PKD1L1: variants seen among roughly 807,000 people sequenced by gnomAD.
PKD1L1 encodes polycystin-1-like protein 1.
A neutral mutation model predicts 323.4 loss-of-function variants in PKD1L1; 236 were observed. That is an observed-to-expected ratio of 0.73 (90% confidence interval 0.66 to 0.81). PKD1L1 has a LOEUF of 0.81. PKD1L1 is among the 40% of genes least tolerant of loss of function. PKD1L1 has a pLI of 0.00. For missense variants in PKD1L1, 3,320 were observed against 3,508.0 expected (o/e 0.95, Z 1.35); for synonymous variants, 1,344 against 1,335.0 (o/e 1.01, Z -0.15).
At chr7:47,941,689 C>T (rs957025476) in intron 2 of PKD1L1, among the ~76,000 whole-genome samples, 1 of 152,146 alleles carries the variant, frequency 6.6e-6, no homozygotes, top group Admixed American at 6.5e-5. Flanking sequence ...GAACTGGACA[C>T]ATCCGAGAGG....
rs56742103 is a variant in PKD1L1, at chr7:47,880,167, T to TAGAG, written c.3520+557_3520+560dup. ...CAATAACACCTTTCTAGGGTTTAAATAGAGAGAGAGAGAGAGAGAGAGATT... is the reference window on the plus strand; with the variant it reads ...CAATAACACCTTTCTAGGGTTTAAATAGAGAGAGAGAGAGAGAGAGAGAGAGATT... On this transcript the variant is annotated intron_variant, in intron 21 of 56. Transcript: ENST00000289672. 8.3e-5 allele frequency among the ~76,000 whole-genome samples: 11 copies of TAGAG among 133,160 alleles called. 1 individual carries two copies. The South Asian group carries it at 9.7e-4, about 12-fold the overall frequency. The allele number at this position is 133,160 out of a possible 152,430, so 87.4% of individuals were successfully genotyped here. A position where few individuals can be genotyped will look rare whatever the true frequency, so the allele number is the denominator to read the frequency against.
chr7:47,893,816 C>A, intron 15 of PKD1L1, 62 bp downstream of exon 15: 15 of 1,520,866 alleles, frequency 9.9e-6, no homozygotes, highest in Non-Finnish European at 1.3e-5. Flanking sequence ...CGTTCCAGAG[C>A]CTGCATTTGC....
At chr7:47,848,233 C>T (rs1052776263) in intron 31 of PKD1L1, among the ~76,000 whole-genome samples, 3 of 152,056 alleles carry the variant, frequency 2.0e-5, no homozygotes, top group Non-Finnish European at 4.4e-5. Flanking sequence ...CTTGAAGATA[C>T]ACTCCTCCCC....
chr7:47,929,501 G>T lies in PKD1L1; in HGVS notation c.763C>A (p.Pro255Thr). The T allele has an allele frequency of 6.2e-7, 1 of 1,613,838 alleles. No homozygotes were observed. Among genetic ancestry groups the T allele is most frequent in the Non-Finnish European group, 8.5e-7 (1 of 1,179,810 alleles). ...RSSHGLPPGIPRTPSFTASQS... is the reference protein window; with the variant it reads ...RSSHGLPPGITRTPSFTASQS... Reference sequence around the variant, plus strand: ...GATGCCGTGAAGCTGGGGGTGCGAGGAATGCCAGGCGGAAGGCCGTGGGAG... The same window carrying T: ...GATGCCGTGAAGCTGGGGGTGCGAGTAATGCCAGGCGGAAGGCCGTGGGAG... Residue 255 changes from proline to threonine, a missense_variant, in exon 7 of 57, where the codon CCT (proline) becomes ACT (threonine). Physicochemically the swap from Pro to Thr is conservative, Grantham distance 38. Transcript: ENST00000289672.
At chr7:47,860,972 C>T (rs1285618779) in intron 26 of PKD1L1, among the ~76,000 whole-genome samples, 1 of 152,124 alleles carries the variant, frequency 6.6e-6, no homozygotes, top group Admixed American at 6.5e-5. Flanking sequence ...GAGGTGTGCA[C>T]CTGCAGCGCC....
intron 33 of PKD1L1, among the ~76,000 whole-genome samples, chr7:47,843,501 G>A (rs1785605075): frequency 6.6e-6 from 1 of 152,196 alleles, no homozygotes; most frequent in Non-Finnish European, 1.5e-5. Flanking sequence ...CTATTGTAAA[G>A]ATTAAGCAAT....
At chr7:47,806,636 G>A (rs918779935) in intron 52 of PKD1L1, among the ~76,000 whole-genome samples, 2 of 152,210 alleles carry the variant, frequency 1.3e-5, no homozygotes, top group Non-Finnish European at 2.9e-5. Context: ...AGCCTTGTGG[G>A]GGAAGACAGT....
rs746015101 is a variant in PKD1L1, at chr7:47,796,092, A to G, written c.8252T>C (p.Phe2751Ser). 3 of 1,611,614 alleles carry G rather than the reference A, an allele frequency of 1.9e-6. No individual in the cohort carries two copies. The highest frequency in any genetic ancestry group is 2.7e-5 in the African/African-American group (2 of 74,984). ...QKRKSFQSKS[F>S]VRLKDVTAYM... ...AGCAGTGACATCTTTAAGTCTCACA[A>G]AAGATTTACTTTGAAAAGATTTTCT... The change falls in exon 55 of 57, where the codon TTT becomes TCT. Residue 2751 changes from phenylalanine (F) to serine (S), a missense_variant. Phe to Ser is a radical substitution (Grantham distance 155). Coordinates refer to ENST00000289672, the MANE Select transcript of PKD1L1 (RefSeq NM_138295.5).
chr7:47,914,946 T>A (rs1320501857), intron 8 of PKD1L1, among the ~76,000 whole-genome samples: 1 of 152,182 alleles, frequency 6.6e-6, no homozygotes, highest in East Asian at 1.9e-4. Context: ...CTCCTAACAC[T>A]GACCACATTT....
intron 26 of PKD1L1, among the ~76,000 whole-genome samples, chr7:47,863,205 G>A (rs537221876): frequency 1.8e-4 from 27 of 152,268 alleles, no homozygotes; most frequent in Middle Eastern, 3.4e-3. Context: ...GTGCTGCCCT[G>A]TCCTGGGCTG....
At chr7:47,851,382 A>C (rs1785779659) in intron 31 of PKD1L1, among the ~76,000 whole-genome samples, 1 of 152,164 alleles carries the variant, frequency 6.6e-6, no homozygotes, top group Non-Finnish European at 1.5e-5. Flanking sequence ...AAAATAATGG[A>C]GGTGAACTAA....
chr7:47,815,557 A>G, intron 46 of PKD1L1, 100 bp from the exon 47 acceptor site: 1 of 1,359,350 alleles, frequency 7.4e-7, no homozygotes, highest in East Asian at 2.3e-5. Context: ...TCTCTCATTC[A>G]GATTTCAGGT....
the PKD1L1 span, among the ~76,000 whole-genome samples, chr7:47,959,696 T>C: frequency 8.1e-6 from 1 of 123,102 alleles, no homozygotes; most frequent in East Asian, 2.6e-4. Context: ...GGGAGGGAGG[T>C]GGGGGGGTCA....
intron 42 of PKD1L1, among the ~76,000 whole-genome samples, chr7:47,830,872 C>G (rs1785334887): frequency 6.6e-6 from 1 of 152,178 alleles, no homozygotes. Flanking sequence ...AGACCATGAA[C>G]AGTATATTCT....
At chr7:47,838,634 C>T (rs1054707607) in intron 36 of PKD1L1, among the ~76,000 whole-genome samples, 4 of 152,040 alleles carry the variant, frequency 2.6e-5, no homozygotes, top group African/African-American at 9.7e-5. Context: ...AATCCCAGCA[C>T]TTTGGGAGTC....
chr7:47,877,455 GTC>G, intron 22 of PKD1L1, 32 bp downstream of exon 22: 1 of 1,609,984 alleles, frequency 6.2e-7, no homozygotes, highest in Non-Finnish European at 8.5e-7. Context: ...ACTGTCGGGG[GTC>G]TCTCAGGACA....
At chr7:47,823,855 CT>C (rs1785194266) in intron 45 of PKD1L1, among the ~76,000 whole-genome samples, 2 of 152,202 alleles carry the variant, frequency 1.3e-5, no homozygotes, top group African/African-American at 4.8e-5. Context: ...CTTTCACTGG[CT>C]TTTATAAAGT....
rs1011127422 is a variant in PKD1L1 at position 47,902,421 on chromosome 7, G to T, written c.2022C>A (p.Cys674Ter). 2.5e-6 allele frequency: 4 copies of T among 1,614,020 alleles called. No homozygotes were observed. The African/African-American group carries it at 5.3e-5, about 22-fold the overall frequency. Residue 674 changes from cysteine (C) to a stop codon, truncating the protein, a stop_gained, in exon 13 of 57, where the codon TGC (cysteine) becomes TGA (stop). Transcript: ENST00000289672. LOFTEE classifies it high-confidence loss of function. ...RQQLFIVCEP[C>*]QPPLVKNMGP... ...CCATGTTCTTCACCAGGGGTGGCTGGCAGGGCTCGCACACGATGAAAAGTT... is the reference window on the plus strand; with the variant it reads ...CCATGTTCTTCACCAGGGGTGGCTGTCAGGGCTCGCACACGATGAAAAGTT...
At chr7:47,872,155 T>C (rs1480339972) in intron 24 of PKD1L1, among the ~76,000 whole-genome samples, 1 of 152,222 alleles carries the variant, frequency 6.6e-6, no homozygotes, top group African/African-American at 2.4e-5. Context: ...GCTTTTGTTT[T>C]GTTTTGTTTT....
Sources: gnomAD v4.1 joint callset for allele counts (sites outside exome capture counted in the v4.1 genomes callset) on GRCh38, gnomAD v4.1.1 for gene constraint, MANE v1.5 for transcripts, NCBI Gene and HGNC (gene_info 2026-07-23, HGNC 2026-07-21) for gene names.